Variants in RREB1 observed in about 807,000 individuals in gnomAD.
RREB1 encodes ras-responsive element-binding protein 1.
Under a neutral mutation model 117.8 loss-of-function variants are expected in RREB1, and 27 were observed. That is an observed-to-expected ratio of 0.23 (90% CI 0.17 to 0.32). The LOEUF (loss-of-function observed/expected upper bound fraction) is 0.32, where lower values mean the gene tolerates loss of function less well. Ranked by LOEUF, RREB1 falls within the 10% of genes least tolerant of loss-of-function variation. The pLI, the probability that RREB1 is intolerant of heterozygous loss-of-function variation, is 1.00. For synonymous variants in RREB1, 1,298 were observed against 1,026.7 expected, an observed-to-expected ratio of 1.26 and a Z score of -5.05; for missense variants, 2,577 against 2,378.2, an observed-to-expected ratio of 1.08 and a Z score of -1.74.
At chr6:7,221,022 G>A (rs1381344826) in intron 8 of RREB1, among the ~76,000 whole-genome samples, 1 of 152,148 alleles carries the variant, frequency 6.6e-6, no homozygotes, top group Non-Finnish European at 1.5e-5. Flanking sequence ...CTTTCTCCTT[G>A]GGGCCTTGGG....
intron 1 of RREB1, among the ~76,000 whole-genome samples, chr6:7,123,610 CTTTT>C (rs5874079): frequency 8.1e-6 from 1 of 122,850 alleles, no homozygotes; most frequent in Admixed American, 9.0e-5. Flanking sequence ...TGTGATGTGT[CTTTT>C]TTTTTTTTTT....
At chr6:7,216,312 T>G (rs550802747) in intron 8 of RREB1, 2 of 152,306 alleles carry the variant, frequency 1.3e-5, no homozygotes, top group South Asian at 4.2e-4. Context: ...AACTTCTCCT[T>G]GGGATTTTAC....
chr6:7,237,625 C>T (rs985877802), intron 10 of RREB1, among the ~76,000 whole-genome samples: 5 of 152,194 alleles, frequency 3.3e-5, no homozygotes, highest in African/African-American at 1.2e-4. Flanking sequence ...TTACAAATCC[C>T]CTTCTAAAGC....
At chr6:7,113,542 G>T (rs527494421) in intron 1 of RREB1, among the ~76,000 whole-genome samples, 1 of 152,268 alleles carries the variant, frequency 6.6e-6, no homozygotes, top group Non-Finnish European at 1.5e-5. Flanking sequence ...AGTTGGGTGG[G>T]TATGTTGACC....
At chr6:7,236,291 T>C (rs1768310828) in intron 10 of RREB1, among the ~76,000 whole-genome samples, 1 of 152,130 alleles carries the variant, frequency 6.6e-6, no homozygotes, top group South Asian at 2.1e-4. Flanking sequence ...GGGTGTCCAT[T>C]CCGGGCTTCC....
intron 10 of RREB1, among the ~76,000 whole-genome samples, chr6:7,233,946 C>T (rs1768151842): frequency 6.6e-6 from 1 of 152,172 alleles, no homozygotes; most frequent in Non-Finnish European, 1.5e-5. Flanking sequence ...TCAGTGGCTG[C>T]ACTGGTCACC....
intron 1 of RREB1, among the ~76,000 whole-genome samples, chr6:7,150,995 A>G (rs1314904168): frequency 2.0e-5 from 3 of 152,208 alleles, no homozygotes; most frequent in Non-Finnish European, 2.9e-5. Flanking sequence ...GCCTCCATGC[A>G]TCAGTCATAG....
chr6:7,227,418 G>A (rs1408247792), intron 9 of RREB1, among the ~76,000 whole-genome samples: 6 of 151,844 alleles, frequency 4.0e-5, no homozygotes, highest in African/African-American at 1.5e-4. Flanking sequence ...GCATGCACCT[G>A]TAATCCCAGC....
intron 12 of RREB1, among the ~76,000 whole-genome samples, chr6:7,247,901 C>T (rs1416157768): frequency 6.6e-6 from 1 of 152,226 alleles, no homozygotes; most frequent in Non-Finnish European, 1.5e-5. Flanking sequence ...CCGCAGCTTC[C>T]CTCCCTGTCA....
At position 7,229,625 on chromosome 6, in the gene RREB1, C is replaced by T. The variant is rs1213413074; in HGVS notation, c.1526C>T (p.Pro509Leu). Residue 509 changes from proline to leucine, a missense_variant, in exon 10 of 13, where the codon CCA (proline) becomes CTA (leucine). By Grantham distance (98) the Pro-to-Leu change is moderately conservative. Coordinates refer to ENST00000379938, the MANE Select transcript of RREB1 (RefSeq NM_001003699.4). This position sits in a 1 kb window ranked among gnomAD's most constrained non-coding sequence, Gnocchi z 4.5. ...AIFKHMPPLKPKPLVTPRTVV... is the reference protein window; with the variant it reads ...AIFKHMPPLKLKPLVTPRTVV... Reference sequence around the variant, plus strand: ...TTCAAGCACATGCCCCCTCTGAAGCCAAAGCCCCTGGTCACACCACGGACG... The same window carrying T: ...TTCAAGCACATGCCCCCTCTGAAGCTAAAGCCCCTGGTCACACCACGGACG... The T allele has an allele frequency of 2.5e-6, 4 of 1,612,926 alleles. No homozygotes were observed. The highest frequency in any genetic ancestry group is 2.2e-5 in the East Asian group (1 of 44,850).
At chr6:7,247,831 G>A (rs1413857436) in intron 12 of RREB1, among the ~76,000 whole-genome samples, 1 of 152,222 alleles carries the variant, frequency 6.6e-6, no homozygotes, top group Non-Finnish European at 1.5e-5. Flanking sequence ...ACCTGAATAT[G>A]CTCATGGAGT....
At chr6:7,234,545 C>T (rs551178505) in intron 10 of RREB1, among the ~76,000 whole-genome samples, 2 of 152,348 alleles carry the variant, frequency 1.3e-5, no homozygotes, top group South Asian at 4.1e-4. Flanking sequence ...TTAGTAGCAT[C>T]TGAAACTGAG....
At position 7,249,013 on chromosome 6, in the gene RREB1, G is replaced by A. The variant is rs1471698162; in HGVS notation, c.*45G>A. 2.1e-6 allele frequency: 3 copies of A among 1,405,980 alleles called. No homozygotes were observed. The highest frequency in any genetic ancestry group is 5.0e-5 in the East Asian group (2 of 39,872). The allele number at this position is 1,405,980 out of a possible 1,614,324, so 87.1% of individuals were successfully genotyped here. A position where few individuals can be genotyped will look rare whatever the true frequency, so the allele number is the denominator to read the frequency against. On this transcript the variant is annotated 3_prime_UTR_variant, in exon 13 of 13. Transcript: ENST00000379938. The stretch of plus-strand genomic sequence containing the variant: ...CACAGACAAAAGCCAGCAGAGCAAA[G>A]CGTCTATACTTCATGGGGTTTCCTC...
At chr6:7,232,091 C>T (rs959409620) in intron 10 of RREB1, among the ~76,000 whole-genome samples, 184 bp downstream of exon 10, 2 of 152,170 alleles carry the variant, frequency 1.3e-5, no homozygotes, top group Non-Finnish European at 2.9e-5. Context: ...TCTCAGTACC[C>T]ACATGGCCTT....
In RREB1 at chr6:7,246,860, C is replaced by A. The variant is rs1399217296; in HGVS notation, c.4410C>A (p.His1470Gln). The A allele has an allele frequency of 1.3e-6, 2 of 1,552,796 alleles. No individual in the cohort carries two copies. The highest frequency in any genetic ancestry group is 1.4e-5 in the African/African-American group (1 of 73,250). ...LGTLSRHRKA[H>Q]GRQEPKDEKG... ...CCCTGAGCCGCCACCGGAAGGCGCA[C>A]GGCCGCCAGGAGCCCAAGGACGAGA... Residue 1470 changes from histidine (H) to glutamine (Q), a missense_variant, in exon 12 of 13, where the codon CAC (histidine) becomes CAA (glutamine). Coordinates refer to ENST00000379938, the MANE Select transcript of RREB1 (RefSeq NM_001003699.4).
At chr6:7,201,538 A>G (rs2113592894) in intron 6 of RREB1, among the ~76,000 whole-genome samples, 2 of 139,772 alleles carry the variant, frequency 1.4e-5, no homozygotes, top group East Asian at 2.1e-4. Context: ...CTGAAACATG[A>G]ACAGGAAGCA....
chr6:7,124,449 C>T (rs543120571), intron 1 of RREB1, among the ~76,000 whole-genome samples: 87 of 152,296 alleles, frequency 5.7e-4, no homozygotes, highest in African/African-American at 2.0e-3. Context: ...CCAGAAGTCT[C>T]ATGGTAGCTA....
At chr6:7,129,902 A>C (rs1370347423) in intron 1 of RREB1, among the ~76,000 whole-genome samples, 5 of 152,174 alleles carry the variant, frequency 3.3e-5, no homozygotes, top group Non-Finnish European at 7.3e-5. Flanking sequence ...TGTATATACC[A>C]AGACCTCTGG....
chr6:7,141,949 C>T (rs919466235), intron 1 of RREB1, among the ~76,000 whole-genome samples: 16 of 152,218 alleles, frequency 1.1e-4, no homozygotes, highest in Non-Finnish European at 1.0e-4. Context: ...CATAGGCTCA[C>T]GCTCGTAATT....
Sources: gnomAD v4.1 joint callset for allele counts (sites outside exome capture counted in the v4.1 genomes callset) on GRCh38, gnomAD v4.1.1 for gene constraint, Gnocchi (gnomAD v3.1) non-coding constraint, MANE v1.5 for transcripts, NCBI Gene and HGNC (gene_info 2026-07-23, HGNC 2026-07-21) for gene names.